Variants in SNRK observed in about 807,000 individuals in gnomAD.
SNRK encodes SNF-related serine/threonine-protein kinase.
In SNRK, 3 loss-of-function variants were observed where a neutral mutation model predicts 48.2. The ratio of observed to expected loss-of-function variants is 0.06; its 90% CI spans 0.03 to 0.16. The LOEUF (loss-of-function observed/expected upper bound fraction) is 0.16. Ranked by LOEUF, SNRK falls within the 10% of genes least tolerant of loss-of-function variation. The pLI is 1.00. For missense variants in SNRK, 627 were observed against 976.0 expected, an observed-to-expected ratio of 0.64 and a Z score of 4.76; for synonymous variants, 376 against 366.1, an observed-to-expected ratio of 1.03 and a Z score of -0.31.
At chr3:43,335,436 A>G (rs1315050216) in intron 4 of SNRK, among the ~76,000 whole-genome samples, 1 of 152,156 alleles carries the variant, frequency 6.6e-6, no homozygotes, top group Admixed American at 6.5e-5. Context: ...CAATAATAAT[A>G]GCCTCTATGG....
intron 3 of SNRK, among the ~76,000 whole-genome samples, chr3:43,325,182 T>A (rs887710792): frequency 6.6e-6 from 1 of 152,258 alleles, no homozygotes; most frequent in South Asian, 2.1e-4. Context: ...TTTTTTGTTT[T>A]TGAGACGGAG....
chr3:43,288,418 T>G (rs1408160154), intron 1 of SNRK, among the ~76,000 whole-genome samples: 1 of 152,172 alleles, frequency 6.6e-6, no homozygotes, highest in Non-Finnish European at 1.5e-5. Context: ...ACCAGAAGTA[T>G]AGGTTGGGTC....
chr3:43,320,471 T>G (rs1292204922), intron 3 of SNRK, among the ~76,000 whole-genome samples: 1 of 152,192 alleles, frequency 6.6e-6, no homozygotes, highest in East Asian at 1.9e-4. Flanking sequence ...GTGTGACTGA[T>G]TCATCACCAC....
At chr3:43,321,536 C>G (rs745951570) in intron 3 of SNRK, among the ~76,000 whole-genome samples, 1 of 152,160 alleles carries the variant, frequency 6.6e-6, no homozygotes, top group Non-Finnish European at 1.5e-5. Context: ...CAGGGTCTCA[C>G]TCAGACCCTT....
chr3:43,344,181 C>T (rs1179953739), intron 6 of SNRK, among the ~76,000 whole-genome samples: 2 of 152,020 alleles, frequency 1.3e-5, no homozygotes, highest in Non-Finnish European at 2.9e-5. Context: ...CGTGCTGCTC[C>T]CCAAGCCTTT....
In SNRK at chr3:43,340,760, G is replaced by T. The variant is rs2091229596; in HGVS notation, c.944+261G>T. 13 of 467,640 alleles carry T rather than the reference G, an allele frequency of 2.8e-5. No homozygotes were observed. The South Asian group carries it at 3.3e-4, about 12-fold the overall frequency. 29.0% of individuals were successfully genotyped at this position (467,640 alleles called of 1,614,324 possible). On this transcript the variant is annotated intron_variant, in intron 5 of 6. Coordinates refer to ENST00000296088, the MANE Select transcript of SNRK (RefSeq NM_017719.5). ...TGTGGCCTTTTCCCCATTCTATAGG[G>T]GTGGAATGAAACAGCTTGTTTTGTA...
chr3:43,348,621 C>A lies in SNRK; in HGVS notation c.*64C>A, dbSNP rs1243030649. On this transcript the variant is annotated 3_prime_UTR_variant, in exon 7 of 7. Transcript: ENST00000296088. ...GAGCAGTGAAGACCGGCTCACTTCA[C>A]TGTTCCATTTGGTTTTACTATTTTA... is the stretch of plus-strand genomic sequence containing the variant. 1 of 1,430,920 alleles carries A rather than the reference C, an allele frequency of 7.0e-7. No homozygotes were observed. The allele number at this position is 1,430,920 out of a possible 1,614,324, so 88.6% of individuals were successfully genotyped here.
intron 3 of SNRK, among the ~76,000 whole-genome samples, chr3:43,309,520 A>G (rs2090963244): frequency 6.6e-6 from 1 of 152,160 alleles, no homozygotes. Context: ...CACCACCCTG[A>G]TTAGTAAGCA....
chr3:43,339,183 TAC>T (rs1312659633), intron 4 of SNRK, among the ~76,000 whole-genome samples: 1 of 152,248 alleles, frequency 6.6e-6, no homozygotes, highest in African/African-American at 2.4e-5. Context: ...AACTTCTGTG[TAC>T]CACACAGATA....
chr3:43,333,287 A>T (rs1171975786), intron 4 of SNRK: 1 of 126,230 alleles, frequency 7.9e-6, no homozygotes, highest in Admixed American at 1.0e-4. Context: ...TGAACCCTGG[A>T]GGTGGAGCTT....
At chr3:43,290,550 C>G (rs989508356) in intron 1 of SNRK, among the ~76,000 whole-genome samples, 1 of 152,194 alleles carries the variant, frequency 6.6e-6, no homozygotes, top group African/African-American at 2.4e-5. Context: ...CCACAACATC[C>G]TTATCATCAC....
At chr3:43,337,338 T>A (rs933465377) in intron 4 of SNRK, among the ~76,000 whole-genome samples, 1 of 152,120 alleles carries the variant, frequency 6.6e-6, no homozygotes, top group African/African-American at 2.4e-5. Flanking sequence ...CCTCCCAAAG[T>A]GCTAGGATTA....
chr3:43,296,435 T>A (rs1432494211), intron 1 of SNRK, among the ~76,000 whole-genome samples: 25 of 146,842 alleles, frequency 1.7e-4, no homozygotes, highest in Non-Finnish European at 3.4e-4. Flanking sequence ...TATATATATG[T>A]ATATATATAT....
At position 43,349,737 on chromosome 3, in the gene SNRK, A is replaced by T. The variant is rs188992861; in HGVS notation, c.*1180A>T. 1 of 152,358 alleles carries T rather than the reference A, an allele frequency of 6.6e-6. No homozygotes were observed. Among genetic ancestry groups the T allele is most frequent in the Admixed American group, 6.5e-5 (1 of 15,310 alleles). The allele number at this position is 152,358 out of a possible 1,614,324, so 9.4% of individuals were successfully genotyped here. A position where few individuals can be genotyped will look rare whatever the true frequency, so the allele number is the denominator to read the frequency against. On this transcript the variant is annotated 3_prime_UTR_variant, in exon 7 of 7. Transcript: ENST00000296088. ...AACTCTTGCTTTAACCTATTCCTGT[A>T]CAAAGACTGTTTTTGACCAGATAAT...
chr3:43,310,053 G>A (rs1174887028), intron 3 of SNRK, among the ~76,000 whole-genome samples: 1 of 151,980 alleles, frequency 6.6e-6, no homozygotes, highest in East Asian at 1.9e-4. Flanking sequence ...TGTGTGTCTC[G>A]CTGTATTGCA....
At chr3:43,331,261 C>G (rs542775177) in intron 3 of SNRK, among the ~76,000 whole-genome samples, 1 of 152,274 alleles carries the variant, frequency 6.6e-6, no homozygotes, top group South Asian at 2.1e-4. Flanking sequence ...TGATGCCTTT[C>G]CTAAGTCCTT....
chr3:43,337,431 G>A (rs1199915668), intron 4 of SNRK, among the ~76,000 whole-genome samples: 1 of 151,834 alleles, frequency 6.6e-6, no homozygotes, highest in East Asian at 1.9e-4. Flanking sequence ...ATTTTTTGGA[G>A]GGTGTCGGGG....
At chr3:43,308,308 C>A (rs927205550) in intron 3 of SNRK, among the ~76,000 whole-genome samples, 1 of 152,350 alleles carries the variant, frequency 6.6e-6, no homozygotes, top group Non-Finnish European at 1.5e-5. Flanking sequence ...CTCCACTGAA[C>A]AACAGATTTT....
At chr3:43,287,310 C>T (rs1162240995) in intron 1 of SNRK, among the ~76,000 whole-genome samples, 2 of 152,250 alleles carry the variant, frequency 1.3e-5, no homozygotes, top group African/African-American at 4.8e-5. Flanking sequence ...ATAGTCATCG[C>T]CTGTTGATTT....
Sources: gnomAD v4.1 joint callset for allele counts (sites outside exome capture counted in the v4.1 genomes callset) on GRCh38, gnomAD v4.1.1 for gene constraint, MANE v1.5 for transcripts, NCBI Gene and HGNC (gene_info 2026-07-23, HGNC 2026-07-21) for gene names.